The following ZSWIM5 variants were observed in gnomAD, a reference collection of about 807,000 sequenced individuals.
ZSWIM5 encodes zinc finger SWIM domain-containing protein 5.
A neutral mutation model predicts 119.6 loss-of-function variants in ZSWIM5; 55 were observed. That is an observed-to-expected ratio of 0.46 (90% CI 0.37 to 0.58). The LOEUF (loss-of-function observed/expected upper bound fraction) is 0.58, where lower values mean the gene tolerates loss of function less well. Among genes scored for constraint, ZSWIM5 ranks in the 20% least tolerant of loss-of-function variants. The pLI is 0.00. For missense variants in ZSWIM5, 1,193 were observed against 1,512.8 expected, an observed-to-expected ratio of 0.79 and a Z score of 3.51; for synonymous variants, 537 against 606.9, an observed-to-expected ratio of 0.88 and a Z score of 1.69.
At chr1:45,075,737 T>A (rs1645252857) in intron 2 of ZSWIM5, among the ~76,000 whole-genome samples, 1 of 152,146 alleles carries the variant, frequency 6.6e-6, no homozygotes, top group South Asian at 2.1e-4. Context: ...AAGGACTTAG[T>A]CCTGCCATTT....
At chr1:45,117,919 A>T (rs540649970) in intron 1 of ZSWIM5, among the ~76,000 whole-genome samples, 1 of 152,226 alleles carries the variant, frequency 6.6e-6, no homozygotes, top group African/African-American at 2.4e-5. Flanking sequence ...TGAGGGTTGC[A>T]TCTGAAAATA....
intron 4 of ZSWIM5, among the ~76,000 whole-genome samples, chr1:45,053,138 A>G (rs938080044): frequency 2.6e-5 from 4 of 152,020 alleles, no homozygotes; most frequent in Admixed American, 6.5e-5. Flanking sequence ...AAAAAAAAAA[A>G]AAAAAAGAAA....
intron 1 of ZSWIM5, among the ~76,000 whole-genome samples, chr1:45,109,536 G>C (rs1490434182): frequency 6.6e-6 from 1 of 152,088 alleles, no homozygotes; most frequent in Non-Finnish European, 1.5e-5. Flanking sequence ...ACGAGGTCAG[G>C]AGTTCAAGAC....
chr1:45,168,496 T>A (rs1262787054), intron 1 of ZSWIM5, among the ~76,000 whole-genome samples: 12 of 150,792 alleles, frequency 8.0e-5, no homozygotes, highest in African/African-American at 2.7e-4. Flanking sequence ...TATATATATT[T>A]TTTTTAAAAA....
At chr1:45,165,872 G>T (rs551460260) in intron 1 of ZSWIM5, among the ~76,000 whole-genome samples, 1 of 152,008 alleles carries the variant, frequency 6.6e-6, no homozygotes, top group Admixed American at 6.6e-5. Context: ...ATTCACAGCC[G>T]AATTCTATCA....
intron 11 of ZSWIM5, among the ~76,000 whole-genome samples, chr1:45,031,689 A>C (rs932990413): frequency 2.0e-4 from 30 of 151,916 alleles, no homozygotes; most frequent in Non-Finnish European, 1.8e-4. Flanking sequence ...AATACAAAAA[A>C]ATTAGCCGGG....
chr1:45,079,019 C>T (rs1645272135), intron 2 of ZSWIM5, among the ~76,000 whole-genome samples: 1 of 152,166 alleles, frequency 6.6e-6, no homozygotes, highest in Admixed American at 6.6e-5. Flanking sequence ...CTGGTTCCTG[C>T]CTTAACTGAT....
intron 1 of ZSWIM5, among the ~76,000 whole-genome samples, chr1:45,142,790 T>G (rs976189022): frequency 1.3e-5 from 2 of 151,882 alleles, no homozygotes; most frequent in African/African-American, 4.8e-5. Context: ...AGAGGAATAC[T>G]TCTAAACTCG....
intron 1 of ZSWIM5, among the ~76,000 whole-genome samples, chr1:45,196,159 G>A (rs111634745): frequency 0.014 from 2,168 of 150,450 alleles, 67 homozygotes; most frequent in African/African-American, 0.051. Flanking sequence ...TCAGGTGTGA[G>A]CCACCAAGCC....
intron 1 of ZSWIM5, among the ~76,000 whole-genome samples, chr1:45,184,898 ACTT>A (rs1201363592): frequency 6.6e-6 from 1 of 152,026 alleles, no homozygotes; most frequent in African/African-American, 2.4e-5. Flanking sequence ...GGAAAAAACT[ACTT>A]TAAAGTTCAT....
intron 2 of ZSWIM5, among the ~76,000 whole-genome samples, chr1:45,076,730 T>C (rs985939660): frequency 1.3e-5 from 2 of 152,134 alleles, no homozygotes; most frequent in African/African-American, 4.8e-5. Context: ...CTAAGCCCAA[T>C]AACTCTTAGA....
At chr1:45,102,931 C>T (rs57915667) in intron 1 of ZSWIM5, among the ~76,000 whole-genome samples, 6,390 of 152,092 alleles carry the variant, frequency 0.042, 478 homozygotes, top group African/African-American at 0.15. Context: ...GGCATGATCA[C>T]GGCTCACTGC....
intron 1 of ZSWIM5, among the ~76,000 whole-genome samples, chr1:45,124,878 CAATT>C (rs1178219950): frequency 6.6e-6 from 1 of 152,090 alleles, no homozygotes; most frequent in Non-Finnish European, 1.5e-5. Flanking sequence ...ATGATAGAGT[CAATT>C]AACCCAGAAG....
intron 6 of ZSWIM5, among the ~76,000 whole-genome samples, chr1:45,041,729 G>C (rs1645019531): frequency 6.6e-6 from 1 of 152,058 alleles, no homozygotes; most frequent in South Asian, 2.1e-4. Flanking sequence ...GTAGAGACAG[G>C]GTTTCACCAT....
At chr1:45,200,704 A>G (rs1233099931) in intron 1 of ZSWIM5, among the ~76,000 whole-genome samples, 1 of 152,228 alleles carries the variant, frequency 6.6e-6, no homozygotes, top group African/African-American at 2.4e-5. Context: ...AATATTCCAC[A>G]TGTATTAAGA....
intron 11 of ZSWIM5, among the ~76,000 whole-genome samples, chr1:45,026,329 C>G (rs1218168848): frequency 2.0e-5 from 3 of 152,148 alleles, no homozygotes; most frequent in African/African-American, 7.2e-5. Flanking sequence ...GCCACCACAC[C>G]CAGCCGGTAA....
chr1:45,110,980 A>G (rs1414445227), intron 1 of ZSWIM5, among the ~76,000 whole-genome samples: 4 of 152,238 alleles, frequency 2.6e-5, no homozygotes, highest in African/African-American at 9.6e-5. Flanking sequence ...CCCTTACAGT[A>G]CAGTACCCTT....
At position 45,173,572 on chromosome 1, in the gene ZSWIM5, G is replaced by C. The variant is rs141448837; in HGVS notation, c.595+32184C>G. ...ATAACTGAACAGTGATTAAGATTTT[G>C]AACACAGGAGCCGGGCTCTAACCCC... On this transcript the variant is annotated intron_variant, in intron 1 of 13. Coordinates refer to ENST00000359600, the MANE Select transcript of ZSWIM5 (RefSeq NM_020883.2). 1.2e-3 allele frequency among the ~76,000 whole-genome samples: 186 copies of C among 152,076 alleles called. 3 individuals are homozygous for C. The East Asian group carries it at 0.025, about 21-fold the overall frequency.
intron 2 of ZSWIM5, among the ~76,000 whole-genome samples, chr1:45,083,756 G>A (rs1645308546): frequency 6.6e-6 from 1 of 152,166 alleles, no homozygotes; most frequent in Non-Finnish European, 1.5e-5. Flanking sequence ...AATTTATAAA[G>A]AAAAGTTTAA....
Sources: allele counts gnomAD v4.1 joint callset (sites outside exome capture counted in the v4.1 genomes callset), GRCh38; gene constraint gnomAD v4.1.1; transcripts MANE v1.5; gene names NCBI Gene and HGNC (gene_info 2026-07-23, HGNC 2026-07-21).